Variants in PXK observed in about 807,000 individuals in gnomAD.
PXK encodes PX domain-containing protein kinase-like protein.
In PXK, 35 loss-of-function variants were observed where a neutral mutation model predicts 84.7. That is an observed-to-expected ratio of 0.41 (90% CI 0.32 to 0.55). The LOEUF (loss-of-function observed/expected upper bound fraction) is 0.55. PXK is among the 20% of genes least tolerant of loss of function. PXK has a pLI of 0.21. For missense variants in PXK, 634 were observed against 699.7 expected, an observed-to-expected ratio of 0.91 and a Z score of 1.06; for synonymous variants, 253 against 260.8, an observed-to-expected ratio of 0.97 and a Z score of 0.29.
chr3:58,382,412 C>A, intron 3 of PXK, 102 bp from the exon 4 acceptor site: 2 of 972,388 alleles, frequency 2.1e-6, no homozygotes, highest in Non-Finnish European at 2.8e-6. Context: ...CATCTAAAAT[C>A]TGCATTGTCT....
At chr3:58,410,582 A>G (rs1405453607) in intron 16 of PXK, among the ~76,000 whole-genome samples, 1 of 152,138 alleles carries the variant, frequency 6.6e-6, no homozygotes, top group Non-Finnish European at 1.5e-5. Flanking sequence ...TAAGGAAAGG[A>G]CTCGATGGTG....
rs559664402 is a variant in PXK, at chr3:58,361,921, A to G, written c.103-3953A>G. On this transcript the variant is annotated intron_variant, in intron 1 of 17. Coordinates refer to ENST00000356151, the MANE Select transcript of PXK (RefSeq NM_017771.5). ...ATATAGTTTTTAAAGAAACTTCCAA[A>G]CTGTTCTGGAGTAGTTATACCATTT... 2.6e-5 allele frequency among the ~76,000 whole-genome samples: 4 copies of G among 152,312 alleles called. No homozygotes were observed. In the South Asian group the frequency reaches 8.3e-4, roughly 32 times the overall value.
intron 1 of PXK, among the ~76,000 whole-genome samples, chr3:58,348,895 G>C (rs1216211778): frequency 1.3e-5 from 2 of 152,110 alleles, no homozygotes; most frequent in African/African-American, 2.4e-5. Context: ...CTAGGTAACA[G>C]AGTGAGACCC....
At chr3:58,393,031 A>G (rs1334423300) in intron 7 of PXK, among the ~76,000 whole-genome samples, 1 of 152,154 alleles carries the variant, frequency 6.6e-6, no homozygotes. Context: ...TAATTGTAGC[A>G]AAGTCAGAAG....
chr3:58,341,780 T>C (rs2097736555), intron 1 of PXK, among the ~76,000 whole-genome samples: 4 of 151,822 alleles, frequency 2.6e-5, no homozygotes, highest in Admixed American at 2.6e-4. Context: ...CTTGGCTCAC[T>C]GCAACCTCCG....
At chr3:58,377,605 TAAAAAAAA>T (rs536644701) in intron 3 of PXK, among the ~76,000 whole-genome samples, 1 of 118,128 alleles carries the variant, frequency 8.5e-6, no homozygotes, top group African/African-American at 3.0e-5. Context: ...TATCTCTTTC[TAAAAAAAA>T]AAAAAAAGAA....
rs1208761601 is a variant in PXK, at chr3:58,383,261, T to A, written c.388+561T>A. Among the ~76,000 whole-genome samples, 3 of 152,196 alleles carry A rather than the reference T, an allele frequency of 2.0e-5. No individual in the cohort carries two copies. Among genetic ancestry groups the A allele is most frequent in the Non-Finnish European group, 4.4e-5 (3 of 68,030 alleles). On this transcript the variant is annotated intron_variant, in intron 4 of 17. Coordinates refer to ENST00000356151, the MANE Select transcript of PXK (RefSeq NM_017771.5). The surrounding 1 kb of genome is among the most constrained non-coding windows in gnomAD (Gnocchi z 4.0). ...GAGCCGAGATAGCACCACTGCACTC[T>A]AGCCTAGGCAACAGAGCAAGACTCT...
Position 58,414,814 on chromosome 3 carries a change from C to T in PXK, c.1528+1851C>T, listed in dbSNP as rs1299377952. ...CTGCTGGGCATTTCCTGTAATGCAT[C>T]TCATGAAAATGGTAACTAATATTTA... On this transcript the variant is annotated intron_variant, in intron 17 of 17. Transcript: ENST00000356151. The surrounding 1 kb of genome is among the most constrained non-coding windows in gnomAD (Gnocchi z 4.5). Among the ~76,000 whole-genome samples, 1 of 152,168 alleles carries T rather than the reference C, an allele frequency of 6.6e-6. No homozygotes were observed.
intron 17 of PXK, chr3:58,422,547 CA>C: frequency 1.0e-6 from 1 of 985,178 alleles, no homozygotes; most frequent in South Asian, 4.7e-5. Context: ...TTTAAAGTGA[CA>C]GTGGAAAATC....
intron 17 of PXK, chr3:58,422,963 T>C (rs1374854090): frequency 5.1e-6 from 5 of 985,286 alleles, no homozygotes; most frequent in Non-Finnish European, 6.0e-6. Context: ...TGGCCCTGAA[T>C]ATCAAGTCCA....
intron 1 of PXK, among the ~76,000 whole-genome samples, chr3:58,337,213 T>C (rs1411480153): frequency 2.6e-5 from 4 of 152,218 alleles, no homozygotes; most frequent in Non-Finnish European, 5.9e-5. Flanking sequence ...ATTATAGTGA[T>C]AGTTAAGGCA....
rs2098481025 is a variant in PXK at position 58,379,799 on chromosome 3, A to T, written c.202-2715A>T. 6.6e-6 allele frequency among the ~76,000 whole-genome samples: 1 copy of T among 152,118 alleles called. No homozygotes were observed. Among genetic ancestry groups the T allele is most frequent in the Non-Finnish European group, 1.5e-5 (1 of 68,012 alleles). ...TACTCTTTAAAAAAAAGAAAAGCGA[A>T]ATACAAAAATTAGTCGGGCATGGTG... On this transcript the variant is annotated intron_variant, in intron 3 of 17. Coordinates refer to ENST00000356151, the MANE Select transcript of PXK (RefSeq NM_017771.5). This position sits in a 1 kb window ranked among gnomAD's most constrained non-coding sequence, Gnocchi z 5.1.
intron 7 of PXK, among the ~76,000 whole-genome samples, chr3:58,393,113 C>T (rs2098647952): frequency 1.3e-5 from 2 of 152,054 alleles, no homozygotes; most frequent in African/African-American, 2.4e-5. Flanking sequence ...CTTTGGGAGG[C>T]TGAGGCGGAT....
intron 7 of PXK, among the ~76,000 whole-genome samples, chr3:58,393,362 A>G (rs1036793002): frequency 6.6e-6 from 1 of 152,166 alleles, no homozygotes; most frequent in African/African-American, 2.4e-5. Flanking sequence ...AAAAGAAAGA[A>G]AAGAAAAGAA....
intron 4 of PXK, among the ~76,000 whole-genome samples, chr3:58,386,537 C>T (rs539065290): frequency 4.6e-5 from 7 of 151,804 alleles, no homozygotes; most frequent in South Asian, 4.2e-4. Flanking sequence ...CCTTGTGATA[C>T]GCCCACCTCG....
chr3:58,418,792 G>T (rs7622906), intron 17 of PXK, among the ~76,000 whole-genome samples: 2,772 of 152,276 alleles, frequency 0.018, 81 homozygotes, highest in African/African-American at 0.063. Context: ...CTGGCAGTTT[G>T]TAGAAAACCC....
rs1024272691 is a variant in PXK at position 58,395,899 on chromosome 3, T to C, written c.822+140T>C. On this transcript the variant is annotated intron_variant, in intron 9 of 17. Coordinates refer to ENST00000356151, the MANE Select transcript of PXK (RefSeq NM_017771.5). ...ACTGATTGCATTGTCATATTTTGCC[T>C]CAAAAAGTAAATATTTGAGACTAAG... 12 of 642,370 alleles carry C rather than the reference T, an allele frequency of 1.9e-5. No homozygotes were observed. The Admixed American group carries it at 4.0e-4, about 22-fold the overall frequency. 39.8% of individuals were successfully genotyped at this position (642,370 alleles called of 1,614,324 possible).
intron 3 of PXK, among the ~76,000 whole-genome samples, chr3:58,378,510 T>TGTGTGTGTGTGTG (rs1448463917): frequency 1.4e-4 from 4 of 27,724 alleles, no homozygotes; most frequent in African/African-American, 3.9e-4. Context: ...TTTTTTTTTT[T>TGTGTGTGTGTGTG]TTTGTGTGTG....
At chr3:58,404,316 TGTTATCTACAGCAGG>T (rs2059057463) in intron 13 of PXK, among the ~76,000 whole-genome samples, 1 of 152,208 alleles carries the variant, frequency 6.6e-6, no homozygotes, top group Non-Finnish European at 1.5e-5. Flanking sequence ...CAATATTAGC[TGTTATCTACAGCAGG>T]GTTTTTCAAC....
Sources: allele counts gnomAD v4.1 joint callset (sites outside exome capture counted in the v4.1 genomes callset), GRCh38; gene constraint gnomAD v4.1.1; non-coding constraint Gnocchi (gnomAD v3.1); transcripts MANE v1.5; gene names NCBI Gene and HGNC (gene_info 2026-07-23, HGNC 2026-07-21).